The following CARF variants were observed in gnomAD, a reference collection of about 807,000 sequenced individuals.
The protein encoded by CARF is calcium responsive transcription factor.
In CARF, 57 loss-of-function variants were observed where a neutral mutation model predicts 82.0. The ratio of observed to expected loss-of-function variants is 0.70; its 90% CI spans 0.56 to 0.87. The LOEUF is 0.87. CARF is among the 40% of genes least tolerant of loss of function. The pLI, the probability that CARF is intolerant of heterozygous loss-of-function variation, is 0.00. For missense variants in CARF, 771 were observed against 855.8 expected, an observed-to-expected ratio of 0.90 and a Z score of 1.24; for synonymous variants, 268 against 290.1, an observed-to-expected ratio of 0.92 and a Z score of 0.77.
chr2:202,923,072 T>G (rs1022752339), intron 2 of CARF, among the ~76,000 whole-genome samples: 1 of 151,680 alleles, frequency 6.6e-6, no homozygotes, highest in Non-Finnish European at 1.5e-5. Flanking sequence ...TGAAACCCCA[T>G]CTCTACTAAA....
intron 8 of CARF, among the ~76,000 whole-genome samples, chr2:202,957,315 C>G (rs1574676819): frequency 6.6e-6 from 1 of 152,178 alleles, no homozygotes; most frequent in Middle Eastern, 3.4e-3. Context: ...GTTATTTTTT[C>G]CACATTATTT....
chr2:202,949,592 C>T (rs1347482876), intron 5 of CARF, among the ~76,000 whole-genome samples: 9 of 146,360 alleles, frequency 6.1e-5, no homozygotes, highest in Non-Finnish European at 1.2e-4. Context: ...ACTCTGTTGC[C>T]CAGGCTGGAG....
At chr2:202,921,680 T>C (rs1303527386) in intron 2 of CARF, among the ~76,000 whole-genome samples, 1 of 152,222 alleles carries the variant, frequency 6.6e-6, no homozygotes. Flanking sequence ...CTTATAAATA[T>C]ATATGATTAG....
Position 202,986,743 on chromosome 2 carries a change from C to G in CARF, c.*3119C>G, listed in dbSNP as rs1376311661. 6.6e-6 allele frequency: 1 copy of G among 150,800 alleles called. No homozygotes were observed. Among genetic ancestry groups the G allele is most frequent in the African/African-American group, 2.4e-5 (1 of 41,082 alleles). 9.3% of individuals were successfully genotyped at this position (150,800 alleles called of 1,614,324 possible). A position where few individuals can be genotyped will look rare whatever the true frequency, so the allele number is the denominator to read the frequency against. On this transcript the variant is annotated 3_prime_UTR_variant, in exon 17 of 17. Transcript: ENST00000438828. The stretch of plus-strand genomic sequence containing the variant: ...TGCATTAGAGTTTCTAATTCTGAGA[C>G]CCACCAGCTTGTGTTTCATCTTCTT...
chr2:202,963,040 CG>C (rs2059389334), intron 9 of CARF: 1 of 152,182 alleles, frequency 6.6e-6, no homozygotes, highest in Admixed American at 6.6e-5. Context: ...CTCTCAAGGC[CG>C]GGCGCAGTGG....
In CARF at chr2:202,983,699, G is replaced by A; in HGVS notation, c.*75G>A. On this transcript the variant is annotated 3_prime_UTR_variant, in exon 17 of 17. Transcript: ENST00000438828. ...AGAAAGGAAGGTGAATATAGTCAAA[G>A]CGTGGCATTGAGATAATTGGACTGA... The A allele has an allele frequency of 1.1e-6, 1 of 902,412 alleles. No individual in the cohort carries two copies. The highest frequency in any genetic ancestry group is 1.8e-6 in the Non-Finnish European group (1 of 561,620). The allele number at this position is 902,412 out of a possible 1,614,324, so 55.9% of individuals were successfully genotyped here. A position where few individuals can be genotyped will look rare whatever the true frequency, so the allele number is the denominator to read the frequency against.
At chr2:202,975,970 G>A (rs536884829) in intron 13 of CARF, among the ~76,000 whole-genome samples, 4 of 151,872 alleles carry the variant, frequency 2.6e-5, no homozygotes, top group East Asian at 2.0e-4. Context: ...ACTTGAATCC[G>A]GGAGGCGGAG....
chr2:202,964,946 T>C (rs1016736370), intron 9 of CARF, among the ~76,000 whole-genome samples: 4 of 150,518 alleles, frequency 2.7e-5, no homozygotes, highest in African/African-American at 9.7e-5. Flanking sequence ...TCACACTTAA[T>C]AAGAAAATTA....
chr2:202,935,548 C>T (rs1388957448), intron 3 of CARF, among the ~76,000 whole-genome samples: 8 of 151,550 alleles, frequency 5.3e-5, no homozygotes, highest in South Asian at 4.2e-4. Flanking sequence ...CTCAGCTTGC[C>T]GAGAAGCTGG....
chr2:202,983,413 A>G (rs1253829865), intron 16 of CARF, 93 bp from the exon 17 acceptor site: 1 of 807,998 alleles, frequency 1.2e-6, no homozygotes, highest in East Asian at 2.7e-5. Flanking sequence ...AAGTTTTCAC[A>G]GAAGTTATTT....
chr2:202,915,023 G>C (rs1288629298), intron 1 of CARF, among the ~76,000 whole-genome samples: 1 of 151,458 alleles, frequency 6.6e-6, no homozygotes, highest in East Asian at 1.9e-4. Flanking sequence ...TTTTGTTTTT[G>C]GTTTTTTGTT....
intron 11 of CARF, among the ~76,000 whole-genome samples, 181 bp from the exon 12 acceptor site, chr2:202,971,324 G>C (rs930252135): frequency 2.0e-5 from 3 of 151,870 alleles, no homozygotes; most frequent in African/African-American, 7.3e-5. Context: ...TCTTAGAAGA[G>C]TTAAGAGATC....
intron 2 of CARF, among the ~76,000 whole-genome samples, chr2:202,918,591 T>G (rs548649679): frequency 6.6e-6 from 1 of 152,108 alleles, no homozygotes; most frequent in South Asian, 2.1e-4. Context: ...TAATTGGCAG[T>G]TAGGGATAAA....
intron 9 of CARF, among the ~76,000 whole-genome samples, chr2:202,966,045 TCCA>T (rs965340341): frequency 3.3e-5 from 5 of 152,176 alleles, no homozygotes; most frequent in African/African-American, 1.2e-4. Flanking sequence ...CGTGGGCCTT[TCCA>T]CAGAGCTCCC....
At chr2:202,919,893 T>C (rs1690463595) in intron 2 of CARF, among the ~76,000 whole-genome samples, 2 of 152,062 alleles carry the variant, frequency 1.3e-5, no homozygotes, top group South Asian at 4.1e-4. Context: ...AACAGGTAAC[T>C]GAATCACAGC....
chr2:202,974,157 G>C (rs532205248), intron 12 of CARF, among the ~76,000 whole-genome samples, 177 bp from the exon 13 acceptor site: 1 of 152,252 alleles, frequency 6.6e-6, no homozygotes, highest in East Asian at 1.9e-4. Context: ...CATTTCTATA[G>C]TCTGCAATAA....
At chr2:202,961,676 G>A (rs971927131) in intron 9 of CARF, 47 of 480,022 alleles carry the variant, frequency 9.8e-5, no homozygotes, top group African/African-American at 2.4e-4. Context: ...AAATATCGAA[G>A]TTTCCATTAA....
intron 14 of CARF, 128 bp from the exon 15 acceptor site, chr2:202,981,427 G>A (rs2060258707): frequency 1.5e-6 from 1 of 681,078 alleles, no homozygotes; most frequent in African/African-American, 1.8e-5. Context: ...ATGACTTATT[G>A]AAGTCCTTTG....
intron 6 of CARF, among the ~76,000 whole-genome samples, chr2:202,952,926 A>G (rs2058823668): frequency 6.6e-6 from 1 of 152,190 alleles, no homozygotes; most frequent in South Asian, 2.1e-4. Context: ...CAAATGACCA[A>G]TGAGCATAAA....
Sources: gnomAD v4.1 joint callset for allele counts (sites outside exome capture counted in the v4.1 genomes callset) on GRCh38, gnomAD v4.1.1 for gene constraint, MANE v1.5 for transcripts, NCBI Gene and HGNC (gene_info 2026-07-23, HGNC 2026-07-21) for gene names.